AMBRA1: variants seen among roughly 807,000 people sequenced by gnomAD.
AMBRA1 encodes the protein autophagy and beclin 1 regulator 1, also known as activating molecule in BECN1-regulated autophagy protein 1.
In AMBRA1, 47 loss-of-function variants were observed where a neutral mutation model predicts 125.4. The observed-to-expected ratio is 0.37, with a 90% CI of 0.30 to 0.48. AMBRA1 has a LOEUF of 0.48. AMBRA1 is among the 20% of genes least tolerant of loss of function. AMBRA1 has a pLI of 0.99. For missense variants in AMBRA1, 1,331 were observed against 1,693.4 expected (o/e 0.79, Z 3.76); for synonymous variants, 626 against 655.5 (o/e 0.95, Z 0.69).
intron 14 of AMBRA1, chr11:46,428,672 C>A (rs1237592528): frequency 2.9e-5 from 47 of 1,599,422 alleles, no homozygotes; most frequent in Admixed American, 1.3e-4. Context: ...TGGCTGACCA[C>A]GTCCACGACC....
chr11:46,455,592 T>C (rs1162631424), intron 11 of AMBRA1, among the ~76,000 whole-genome samples: 1 of 152,080 alleles, frequency 6.6e-6, no homozygotes, highest in Admixed American at 6.6e-5. Flanking sequence ...AGAATGAAAA[T>C]GGAGACTCCC....
chr11:46,593,526 A>T (rs1013309058), intron 1 of AMBRA1, among the ~76,000 whole-genome samples: 1 of 152,180 alleles, frequency 6.6e-6, no homozygotes, highest in Admixed American at 6.5e-5. Context: ...AGGAGGGTCA[A>T]AGTGCGCAAA....
intron 11 of AMBRA1, chr11:46,451,737 G>C (rs1185294978): frequency 6.5e-6 from 1 of 153,442 alleles, no homozygotes; most frequent in East Asian, 2.0e-4. Flanking sequence ...AAATAAGAAT[G>C]GGGTTGGGGA....
At chr11:46,483,709 G>A (rs1367571896) in intron 11 of AMBRA1, among the ~76,000 whole-genome samples, 3 of 152,156 alleles carry the variant, frequency 2.0e-5, no homozygotes, top group African/African-American at 7.2e-5. Context: ...AGACCAGCCT[G>A]ACCAATATGG....
chr11:46,398,016 C>T (rs1945540154), intron 17 of AMBRA1, 73 bp from the exon 18 acceptor site: 15 of 1,509,180 alleles, frequency 9.9e-6, no homozygotes, highest in East Asian at 2.3e-5. Flanking sequence ...GGGCAGCCAC[C>T]GGTAGCAGCT....
chr11:46,520,774 T>TTA (rs1410955333), intron 7 of AMBRA1, among the ~76,000 whole-genome samples: 20 of 150,602 alleles, frequency 1.3e-4, no homozygotes, highest in Non-Finnish European at 2.2e-4. Context: ...TTTTTGTATT[T>TTA]TTTTTTTTTT....
intron 11 of AMBRA1, among the ~76,000 whole-genome samples, chr11:46,465,068 A>T (rs143680279): frequency 2.4e-3 from 371 of 152,212 alleles, no homozygotes; most frequent in African/African-American, 8.1e-3. Context: ...AAAATAAAAA[A>T]AAATAAACAC....
intron 11 of AMBRA1, among the ~76,000 whole-genome samples, chr11:46,464,890 C>T (rs922936703): frequency 6.6e-6 from 1 of 151,940 alleles, no homozygotes; most frequent in Non-Finnish European, 1.5e-5. Flanking sequence ...ACTAAAAATA[C>T]AAAAATTAGC....
intron 11 of AMBRA1, among the ~76,000 whole-genome samples, chr11:46,470,106 A>C (rs535358241): frequency 6.6e-6 from 1 of 152,294 alleles, no homozygotes; most frequent in African/African-American, 2.4e-5. Flanking sequence ...TCTTCCTTAG[A>C]GCTAAAGAAA....
chr11:46,415,869 A>G (rs2136641725), intron 15 of AMBRA1, among the ~76,000 whole-genome samples: 1 of 152,352 alleles, frequency 6.6e-6, no homozygotes, highest in Non-Finnish European at 1.5e-5. Flanking sequence ...CTGGAGCAAC[A>G]TATGGGGAGA....
intron 11 of AMBRA1, among the ~76,000 whole-genome samples, chr11:46,478,035 A>C (rs1949895845): frequency 1.3e-5 from 2 of 152,176 alleles, no homozygotes; most frequent in Non-Finnish European, 1.5e-5. Flanking sequence ...GAAAAAAAAA[A>C]AGAATGACTG....
chr11:46,588,226 G>GGAAGCTGAGGAGGGGGAATCACTT (rs1265521729), intron 1 of AMBRA1, among the ~76,000 whole-genome samples: 1 of 152,104 alleles, frequency 6.6e-6, no homozygotes, highest in Non-Finnish European at 1.5e-5. Context: ...CAGCTACTCA[G>GGAAGCTGAGGAGGGGGAATCACTT]GAAGCTGAGG....
chr11:46,562,658 G>C (rs978871175), intron 1 of AMBRA1, among the ~76,000 whole-genome samples: 4 of 152,084 alleles, frequency 2.6e-5, no homozygotes, highest in South Asian at 2.1e-4. Flanking sequence ...TTTGCGGGTG[G>C]GGGAGCAGAT....
At chr11:46,482,610 T>A (rs1248203922) in intron 11 of AMBRA1, among the ~76,000 whole-genome samples, 1 of 152,124 alleles carries the variant, frequency 6.6e-6, no homozygotes, top group South Asian at 2.1e-4. Context: ...CTTCTACCCT[T>A]TACCTCCTGT....
chr11:46,481,263 C>G (rs962207922), intron 11 of AMBRA1, among the ~76,000 whole-genome samples: 1 of 152,186 alleles, frequency 6.6e-6, no homozygotes, highest in Admixed American at 6.5e-5. Flanking sequence ...TACCACTACA[C>G]AATTCATTGT....
In AMBRA1 at chr11:46,547,174, G is replaced by C; in HGVS notation, c.317C>G (p.Thr106Ser). The C allele has an allele frequency of 6.2e-7, 1 of 1,614,166 alleles. No homozygotes were observed. Among genetic ancestry groups the C allele is most frequent in the Non-Finnish European group, 8.5e-7 (1 of 1,180,024 alleles). ...GCCAGAAGCAATAAGGCCTGAGATG[G>C]TGGGATGAAAAGTGACACACCATGG... ...RTPWCVTFHP[T>S]ISGLIASGCL... The change falls in exon 4 of 18, where the codon ACC becomes AGC. Residue 106 changes from threonine (T) to serine (S), a missense_variant. Around this residue, in one of 4 missense-constraint regions of AMBRA1, gnomAD observed 144 missense variants for 250.4 expected, o/e 0.58. Transcript: ENST00000683756.
intron 11 of AMBRA1, among the ~76,000 whole-genome samples, chr11:46,470,477 T>G (rs547192582): frequency 1.9e-4 from 28 of 150,384 alleles, no homozygotes; most frequent in African/African-American, 6.6e-4. Context: ...TAGTCCCAGC[T>G]ACTGAGGAGG....
intron 11 of AMBRA1, among the ~76,000 whole-genome samples, chr11:46,484,607 A>T (rs749814786): frequency 6.6e-6 from 1 of 151,808 alleles, no homozygotes; most frequent in Non-Finnish European, 1.5e-5. Context: ...GTGTATACGC[A>T]TTCCCTTTCC....
chr11:46,550,295 C>A (rs949093676), intron 1 of AMBRA1, among the ~76,000 whole-genome samples: 2 of 152,152 alleles, frequency 1.3e-5, no homozygotes, highest in South Asian at 2.1e-4. Context: ...GGTGACAGTG[C>A]GTCACAGTTG....
Sources: gnomAD v4.1 joint callset for allele counts (sites outside exome capture counted in the v4.1 genomes callset) on GRCh38, gnomAD v4.1.1 for gene constraint, gnomAD v4.1.1 regional missense constraint, MANE v1.5 for transcripts, NCBI Gene and HGNC (gene_info 2026-07-23, HGNC 2026-07-21) for gene names.